Variants in SPAG17 observed in about 807,000 individuals in gnomAD.
SPAG17 encodes the protein sperm associated antigen 17, also known as sperm-associated antigen 17.
A neutral mutation model predicts 273.6 loss-of-function variants in SPAG17; 169 were observed. That is an observed-to-expected ratio of 0.62 (90% CI 0.55 to 0.70). SPAG17 has a LOEUF of 0.70. Among genes scored for constraint, SPAG17 ranks in the 30% least tolerant of loss-of-function variants. SPAG17 has a pLI of 0.00. For synonymous variants in SPAG17, 825 were observed against 873.2 expected (o/e 0.94, Z 0.97); for missense variants, 2,557 against 2,627.8 (o/e 0.97, Z 0.59).
chr1:118,074,487 G>T, intron 16 of SPAG17, 52 bp downstream of exon 16: 2 of 1,466,742 alleles, frequency 1.4e-6, no homozygotes, highest in Non-Finnish European at 1.9e-6. Flanking sequence ...CCAAGTCATG[G>T]TTTTTCTCAG....
chr1:118,034,632 A>ATTC (rs943349371), intron 24 of SPAG17, among the ~76,000 whole-genome samples: 51 of 152,336 alleles, frequency 3.3e-4, no homozygotes, highest in African/African-American at 1.2e-3. Flanking sequence ...AGGAGAAAGT[A>ATTC]TTCTGAGTAG....
In SPAG17 at chr1:117,956,952, A is replaced by T; in HGVS notation, c.*1-2903T>A. ...ACAGATGAATATTTAACTCTAGGCA[A>T]GATGTATCCAAGTATAAAATCAGTA... On this transcript the variant is annotated intron_variant, in intron 48 of 48. Transcript: ENST00000336338. The T allele has an allele frequency of 3.5e-6, 3 of 852,112 alleles. No homozygotes were observed. The South Asian group carries it at 7.1e-5, about 20-fold the overall frequency. 52.8% of individuals were successfully genotyped at this position (852,112 alleles called of 1,614,324 possible).
At chr1:117,984,874 G>A in intron 40 of SPAG17, 92 bp from the exon 41 acceptor site, 1 of 752,880 alleles carries the variant, frequency 1.3e-6, no homozygotes, top group East Asian at 2.6e-5. Context: ...CCACAAAAAT[G>A]AATGCAATCA....
At chr1:118,005,636 A>C (rs776045267) in intron 31 of SPAG17, 34 bp from the exon 32 acceptor site, 1 of 1,371,460 alleles carries the variant, frequency 7.3e-7, no homozygotes. Flanking sequence ...AAATTATTAA[A>C]ATTTTCTTGT....
At position 117,990,919 on chromosome 1, in the gene SPAG17, T is replaced by G; in HGVS notation, c.5476-13A>C. 6.7e-7 allele frequency: 1 copy of G among 1,487,924 alleles called. No individual in the cohort carries two copies. The highest frequency in any genetic ancestry group is 9.2e-7 in the Non-Finnish European group (1 of 1,082,496). 92.2% of individuals were successfully genotyped at this position (1,487,924 alleles called of 1,614,324 possible). ...TTTTAGGGAAAGACTGAAATGAAGATAGAATTACTTATGATGATTATATTA... is the reference window on the plus strand; with the variant it reads ...TTTTAGGGAAAGACTGAAATGAAGAGAGAATTACTTATGATGATTATATTA... On this transcript the variant is annotated splice_polypyrimidine_tract_variant and intron_variant, in intron 37 of 48. Coordinates refer to ENST00000336338, the MANE Select transcript of SPAG17 (RefSeq NM_206996.4).
At position 118,023,289 on chromosome 1, in the gene SPAG17, G is replaced by A. The variant is rs1362086819; in HGVS notation, c.4069+15C>T. The A allele has an allele frequency of 1.3e-6, 2 of 1,599,578 alleles. No homozygotes were observed. The highest frequency in any genetic ancestry group is 1.7e-6 in the Non-Finnish European group (2 of 1,171,912). ...TTACTAAATCCATAATAAACTGAGA[G>A]GCTTCAATTGTTACCTTTCTTTGTG... On this transcript the variant is annotated intron_variant, in intron 28 of 48. Transcript: ENST00000336338.
At chr1:118,061,688 T>C (rs927927165) in intron 18 of SPAG17, among the ~76,000 whole-genome samples, 1 of 152,228 alleles carries the variant, frequency 6.6e-6, no homozygotes, top group Non-Finnish European at 1.5e-5. Flanking sequence ...TGGGTATGTT[T>C]AGTACCTTGG....
At chr1:118,141,989 T>C (rs1346659740) in intron 3 of SPAG17, among the ~76,000 whole-genome samples, 1 of 151,802 alleles carries the variant, frequency 6.6e-6, no homozygotes, top group Non-Finnish European at 1.5e-5. Flanking sequence ...AAATGTCTAC[T>C]TAACTTTCAG....
rs1657669939 is a variant in SPAG17 at position 117,996,443 on chromosome 1, T to C, written c.4980A>G (p.Ile1660Met). 1 of 1,613,028 alleles carries C rather than the reference T, an allele frequency of 6.2e-7. No homozygotes were observed. The highest frequency in any genetic ancestry group is 8.5e-7 in the Non-Finnish European group (1 of 1,179,410). The change falls in exon 34 of 49, where the codon ATA becomes ATG. Residue 1660 changes from isoleucine to methionine, a missense_variant. Ile to Met is a conservative substitution (Grantham distance 10, BLOSUM62 1). Transcript: ENST00000336338. Reference protein sequence around the residue: ...SGMELLRDSDIEEYLSLAYKE... With the variant: ...SGMELLRDSDMEEYLSLAYKE... ...TATATGCCAAAGATAGATATTCTTC[T>C]ATGTCACTGTCTCGAAGAAGTTCCA...
intron 7 of SPAG17, among the ~76,000 whole-genome samples, chr1:118,096,361 T>G (rs566600652): frequency 2.1e-3 from 325 of 151,734 alleles, no homozygotes; most frequent in African/African-American, 7.6e-3. Context: ...GGCTTTTTTT[T>G]TTTTCTTGTC....
Position 117,996,726 on chromosome 1 carries a change from G to A in SPAG17, c.4794C>T (p.Ser1598=). The A allele has an allele frequency of 6.2e-7, 1 of 1,609,668 alleles. No individual in the cohort carries two copies. Among genetic ancestry groups the A allele is most frequent in the Non-Finnish European group, 8.5e-7 (1 of 1,178,460 alleles). Residue 1598 remains serine (S), a synonymous_variant, in exon 33 of 49, where the codon AGC becomes AGT. Coordinates refer to ENST00000336338, the MANE Select transcript of SPAG17 (RefSeq NM_206996.4). ...GNTFQVMADG[S]ISTILPEKKL... ...TTTTTTCAGGTAATATAGTTGATAT[G>A]CTACCATCAGCCATGACCTAAGGGA...
intron 39 of SPAG17, 35 bp from the exon 40 acceptor site, chr1:117,987,916 G>C: frequency 6.2e-7 from 1 of 1,610,282 alleles, no homozygotes; most frequent in Non-Finnish European, 8.5e-7. Flanking sequence ...GGTGAAAAGG[G>C]GCAATGATTT....
At chr1:118,138,161 G>GA (rs2102314793) in intron 3 of SPAG17, among the ~76,000 whole-genome samples, 1 of 152,290 alleles carries the variant, frequency 6.6e-6, no homozygotes, top group Admixed American at 6.5e-5. Flanking sequence ...ATGAAGAACA[G>GA]ACTCAATTAT....
intron 4 of SPAG17, 43 bp from the exon 5 acceptor site, chr1:118,101,969 C>A (rs769445576): frequency 2.0e-6 from 3 of 1,513,124 alleles, no homozygotes; most frequent in Non-Finnish European, 2.7e-6. Flanking sequence ...AAACAGTGAG[C>A]AAGCAATGGC....
rs753167417 is a variant in SPAG17 at position 117,996,691 on chromosome 1, T to C, written c.4829A>G (p.Asp1610Gly). Residue 1610 changes from aspartate to glycine, a missense_variant, in exon 33 of 49, where the codon GAT becomes GGT. Transcript: ENST00000336338. ...STILPEKKLE[D>G]DLNEKTEGYD... ...GCCCTCAGTTTTCTCATTTAAATCA[T>C]CTTCCAATTTTTTTTCAGGTAATAT... 3 of 1,612,720 alleles carry C rather than the reference T, an allele frequency of 1.9e-6. No homozygotes were observed. The highest frequency in any genetic ancestry group is 4.5e-5 in the East Asian group (2 of 44,798).
At chr1:118,008,566 T>C (rs1659150551) in intron 30 of SPAG17, among the ~76,000 whole-genome samples, 1 of 152,192 alleles carries the variant, frequency 6.6e-6, no homozygotes, top group South Asian at 2.1e-4. Context: ...ATATGTAAAA[T>C]AAAAATTACA....
intron 7 of SPAG17, 74 bp downstream of exon 7, chr1:118,097,596 A>G: frequency 1.6e-6 from 2 of 1,233,672 alleles, no homozygotes; most frequent in East Asian, 5.1e-5. Context: ...TATCTATGTG[A>G]TGAATAAATG....
At chr1:118,043,741 A>G (rs1211138847) in intron 20 of SPAG17, among the ~76,000 whole-genome samples, 1 of 152,226 alleles carries the variant, frequency 6.6e-6, no homozygotes. Flanking sequence ...GATCATGTTA[A>G]TAATGCAGAC....
chr1:117,954,185 A>G lies in SPAG17; in HGVS notation c.*1-136T>C, dbSNP rs578234049. The G allele has an allele frequency of 3.6e-6, 4 of 1,111,676 alleles. No homozygotes were observed. In the Admixed American group the frequency reaches 6.4e-5, roughly 18 times the overall value. 68.9% of individuals were successfully genotyped at this position (1,111,676 alleles called of 1,614,324 possible). A position where few individuals can be genotyped will look rare whatever the true frequency, so the allele number is the denominator to read the frequency against. ...ATTGTTTTGGGATTTATTAACTAAG[A>G]TCAGGATATGCAATAAATGGAATAG... On this transcript the variant is annotated intron_variant, in intron 48 of 48. Transcript: ENST00000336338.
Sources: gnomAD v4.1 joint callset for allele counts (sites outside exome capture counted in the v4.1 genomes callset) on GRCh38, gnomAD v4.1.1 for gene constraint, MANE v1.5 for transcripts, NCBI Gene and HGNC (gene_info 2026-07-23, HGNC 2026-07-21) for gene names.